The following TBCK variants were observed in gnomAD, a reference collection of about 807,000 sequenced individuals.
The protein encoded by TBCK is TBC1 domain containing kinase.
Under a neutral mutation model 113.4 loss-of-function variants are expected in TBCK, and 99 were observed. The ratio of observed to expected loss-of-function variants is 0.87; its 90% CI spans 0.74 to 1.03. The LOEUF is 1.03. Ranked by LOEUF, TBCK falls within the 50% of genes least tolerant of loss-of-function variation. The pLI is 0.00. For missense variants in TBCK, 1,045 were observed against 1,061.3 expected, an observed-to-expected ratio of 0.98 and a Z score of 0.21; for synonymous variants, 369 against 370.8, an observed-to-expected ratio of 1.00 and a Z score of 0.05.
chr4:106,291,024 T>C (rs1417546294), intron 3 of TBCK, among the ~76,000 whole-genome samples: 1 of 152,146 alleles, frequency 6.6e-6, no homozygotes, highest in Non-Finnish European at 1.5e-5. Context: ...AATCAATTAC[T>C]TGCAGACTCA....
In TBCK at chr4:106,127,100, C is replaced by G. The variant is rs189148144; in HGVS notation, c.2236-10722G>C. Among the ~76,000 whole-genome samples, 98 of 149,256 alleles carry G rather than the reference C, an allele frequency of 6.6e-4. 1 individual carries two copies. The highest frequency in any genetic ancestry group is 2.3e-3 in the African/African-American group (93 of 40,676). The stretch of plus-strand genomic sequence containing the variant: ...GCATGTGCCTGTAATCCCAGCTACT[C>G]GGGAGGCTGAGGCAGGAGAATCGCT... On this transcript the variant is annotated intron_variant, in intron 23 of 25. Transcript: ENST00000394708.
chr4:106,091,892 G>T (rs1470531394), intron 25 of TBCK, among the ~76,000 whole-genome samples: 1 of 152,084 alleles, frequency 6.6e-6, no homozygotes, highest in Non-Finnish European at 1.5e-5. Context: ...GAGCTAATTG[G>T]TCTGTTTTAC....
At position 106,308,387 on chromosome 4, in the gene TBCK, T is replaced by C. The variant is rs528515599; in HGVS notation, c.193+381A>G. Among the ~76,000 whole-genome samples the C allele has an allele frequency of 1.3e-4, 20 of 152,220 alleles. No homozygotes were observed. In the South Asian group the frequency reaches 3.9e-3, roughly 30 times the overall value. On this transcript the variant is annotated intron_variant, in intron 2 of 25. Transcript: ENST00000394708. ...AGGGAATGGAGCATAGCATAATCCA[T>C]GAGAGAAAATTGCAAAGTACAAAAT...
At chr4:106,311,797 G>T (rs1768223909) in intron 1 of TBCK, among the ~76,000 whole-genome samples, 1 of 152,002 alleles carries the variant, frequency 6.6e-6, no homozygotes, top group South Asian at 2.1e-4. Flanking sequence ...AAAATAAATT[G>T]ATTCTCAACA....
chr4:106,097,780 T>G (rs1028399069), intron 24 of TBCK, among the ~76,000 whole-genome samples: 1 of 152,086 alleles, frequency 6.6e-6, no homozygotes, highest in Non-Finnish European at 1.5e-5. Context: ...TTTTTTCACT[T>G]GTTGAGTACT....
rs1579357045 is a variant in TBCK, at chr4:106,239,534, TA to T, written c.1171-2727del. Among the ~76,000 whole-genome samples the T allele has an allele frequency of 5.9e-5, 9 of 151,984 alleles. No homozygotes were observed. In the East Asian group the frequency reaches 1.7e-3, roughly 29 times the overall value. The stretch of plus-strand genomic sequence containing the variant: ...GGATAGGTGTGGCGTTGCTATTTTA[TA>T]AAGGATGGCCAACAAAAGCCCACCA... On this transcript the variant is annotated intron_variant, in intron 12 of 25. Coordinates refer to ENST00000394708, the MANE Select transcript of TBCK (RefSeq NM_001163435.3).
At chr4:106,298,972 G>A (rs1766628762) in intron 2 of TBCK, among the ~76,000 whole-genome samples, 1 of 152,122 alleles carries the variant, frequency 6.6e-6, no homozygotes, top group Admixed American at 6.5e-5. Context: ...ATCCCCTGAG[G>A]AAAAGGGGGG....
chr4:106,315,466 CAAAT>C (rs932856245), intron 1 of TBCK: 2 of 152,128 alleles, frequency 1.3e-5, no homozygotes, highest in African/African-American at 4.8e-5. Flanking sequence ...ATTTTTGTCT[CAAAT>C]AGATAGAAAC....
At chr4:106,056,393 C>G (rs1267159556) in intron 25 of TBCK, among the ~76,000 whole-genome samples, 1 of 150,906 alleles carries the variant, frequency 6.6e-6, no homozygotes, top group Admixed American at 6.6e-5. Context: ...GTGTGAGCCA[C>G]CACACCCAGC....
chr4:106,256,563 C>T (rs1037865399), intron 5 of TBCK, among the ~76,000 whole-genome samples: 8 of 152,154 alleles, frequency 5.3e-5, no homozygotes, highest in African/African-American at 1.9e-4. Flanking sequence ...CATTTCCGAG[C>T]CTACAGCTGC....
intron 25 of TBCK, among the ~76,000 whole-genome samples, chr4:106,047,607 G>A (rs17200375): frequency 2.6e-5 from 4 of 152,070 alleles, no homozygotes; most frequent in Admixed American, 6.6e-5. Context: ...CTCAGCTCCC[G>A]AAGTTTCTTG....
intron 23 of TBCK, among the ~76,000 whole-genome samples, chr4:106,146,938 AT>A (rs1173361131): frequency 6.6e-6 from 1 of 152,230 alleles, no homozygotes; most frequent in Non-Finnish European, 1.5e-5. Flanking sequence ...TTCTAAATGC[AT>A]TGTTATCATT....
At chr4:106,049,344 G>A (rs1011414045) in intron 25 of TBCK, among the ~76,000 whole-genome samples, 2 of 151,950 alleles carry the variant, frequency 1.3e-5, no homozygotes, top group Non-Finnish European at 2.9e-5. Context: ...ATAATAAGCC[G>A]AGTTTCTGAA....
At chr4:106,061,772 C>A (rs1736085640) in intron 25 of TBCK, among the ~76,000 whole-genome samples, 2 of 151,556 alleles carry the variant, frequency 1.3e-5, no homozygotes, top group Non-Finnish European at 1.5e-5. Flanking sequence ...CTTAATCACT[C>A]CTTTTATAGG....
intron 20 of TBCK, among the ~76,000 whole-genome samples, chr4:106,203,639 T>C (rs1325089223): frequency 2.6e-5 from 4 of 151,924 alleles, no homozygotes; most frequent in Admixed American, 1.3e-4. Context: ...AAAAGAACTA[T>C]ACACTGAAAA....
At chr4:106,166,350 C>T (rs1448132377) in intron 23 of TBCK, among the ~76,000 whole-genome samples, 1 of 151,660 alleles carries the variant, frequency 6.6e-6, no homozygotes, top group African/African-American at 2.4e-5. Context: ...TTTCAAACAA[C>T]ATGAACTTAC....
At chr4:106,187,276 ATGT>A (rs1447289222) in intron 22 of TBCK, among the ~76,000 whole-genome samples, 2 of 152,062 alleles carry the variant, frequency 1.3e-5, no homozygotes, top group African/African-American at 4.8e-5. Flanking sequence ...TCTGTGATAA[ATGT>A]TGTTGGTAGT....
At chr4:106,124,390 T>G (rs536040707) in intron 23 of TBCK, among the ~76,000 whole-genome samples, 1 of 152,344 alleles carries the variant, frequency 6.6e-6, no homozygotes, top group Admixed American at 6.5e-5. Context: ...GGGACATTTT[T>G]ACACTGTTGG....
intron 23 of TBCK, among the ~76,000 whole-genome samples, chr4:106,134,552 G>A (rs930514676): frequency 3.9e-5 from 6 of 152,206 alleles, no homozygotes; most frequent in Admixed American, 3.3e-4. Flanking sequence ...GTTTGGGGAA[G>A]TGGGGAATTG....
Sources: allele counts gnomAD v4.1 joint callset (sites outside exome capture counted in the v4.1 genomes callset), GRCh38; gene constraint gnomAD v4.1.1; transcripts MANE v1.5; gene names NCBI Gene and HGNC (gene_info 2026-07-23, HGNC 2026-07-21).